The following DYRK1A variants were observed in gnomAD, a reference collection of about 807,000 sequenced individuals.
DYRK1A encodes the protein dual specificity tyrosine phosphorylation regulated kinase 1A.
In DYRK1A, 9 loss-of-function variants were observed where a neutral mutation model predicts 79.7. The ratio of observed to expected loss-of-function variants is 0.11; its 90% confidence interval spans 0.07 to 0.20. The LOEUF (loss-of-function observed/expected upper bound fraction) is 0.20, where lower values mean the gene tolerates loss of function less well. DYRK1A is among the 10% of genes least tolerant of loss of function. The pLI is 1.00. For synonymous variants in DYRK1A, 349 were observed against 329.7 expected (o/e 1.06, Z -0.63); for missense variants, 622 against 956.0 (o/e 0.65, Z 4.61).
intron 1 of DYRK1A, among the ~76,000 whole-genome samples, chr21:37,417,675 A>G (rs1391205601): frequency 6.6e-6 from 1 of 150,922 alleles, no homozygotes; most frequent in Non-Finnish European, 1.5e-5. Context: ...CGTGTGTTTA[A>G]CAGCCTGTGG....
intron 1 of DYRK1A, among the ~76,000 whole-genome samples, chr21:37,408,578 T>A (rs950853380): frequency 2.0e-5 from 3 of 152,230 alleles, no homozygotes; most frequent in Non-Finnish European, 4.4e-5. Context: ...AAATTTTTTT[T>A]AGCACATAGA....
intron 2 of DYRK1A, among the ~76,000 whole-genome samples, chr21:37,447,015 G>A (rs1217963043): frequency 6.6e-5 from 10 of 152,166 alleles, no homozygotes; most frequent in African/African-American, 2.2e-4. Flanking sequence ...TGAGAGGGAT[G>A]GGTTGGGAGG....
At chr21:37,479,594 GTTTTTGTTTTTGTTTTTGT>G (rs1391141449) in intron 4 of DYRK1A, among the ~76,000 whole-genome samples, 338 of 24,212 alleles carry the variant, frequency 0.014, 4 homozygotes, top group African/African-American at 0.075. Context: ...TTGGTGTTTT[GTTTTTGTTTTTGTTTTTGT>G]TTTTTGTTTT....
intron 2 of DYRK1A, among the ~76,000 whole-genome samples, chr21:37,422,897 C>T (rs2050514531): frequency 6.6e-6 from 1 of 152,106 alleles, no homozygotes; most frequent in South Asian, 2.1e-4. Flanking sequence ...TGTTCCTGTA[C>T]TTACTTAATT....
chr21:37,399,287 T>A (rs899538284), intron 1 of DYRK1A, among the ~76,000 whole-genome samples: 1 of 152,196 alleles, frequency 6.6e-6, no homozygotes, highest in African/African-American at 2.4e-5. Flanking sequence ...CCCATAAGAC[T>A]CTTCCTCCTT....
intron 2 of DYRK1A, among the ~76,000 whole-genome samples, chr21:37,444,968 G>GACCC (rs1300617953): frequency 1.4e-4 from 21 of 152,210 alleles, no homozygotes; most frequent in African/African-American, 4.3e-4. Context: ...ACTGGGAGGT[G>GACCC]ACATGCAATT....
At chr21:37,383,835 GTAT>G (rs2049707410) in intron 1 of DYRK1A, among the ~76,000 whole-genome samples, 1 of 130,314 alleles carries the variant, frequency 7.7e-6, no homozygotes, top group African/African-American at 3.6e-5. Flanking sequence ...AGGTAATGGT[GTAT>G]GTGTGTGTGT....
At chr21:37,413,447 A>G (rs778167796) in intron 1 of DYRK1A, among the ~76,000 whole-genome samples, 1 of 152,178 alleles carries the variant, frequency 6.6e-6, no homozygotes, top group Non-Finnish European at 1.5e-5. Context: ...ATTATAGAAC[A>G]TCCTGTGTGG....
chr21:37,481,945 G>A (rs2052657931), intron 5 of DYRK1A, among the ~76,000 whole-genome samples: 2 of 152,100 alleles, frequency 1.3e-5, no homozygotes, highest in Admixed American at 1.3e-4. Context: ...GCTGTGTTTT[G>A]TTTGAGGTGT....
intron 2 of DYRK1A, among the ~76,000 whole-genome samples, chr21:37,433,890 T>C (rs2050848293): frequency 6.6e-6 from 1 of 152,206 alleles, no homozygotes; most frequent in African/African-American, 2.4e-5. Flanking sequence ...AAATATAGTT[T>C]CTTTGTTTCT....
intron 2 of DYRK1A, among the ~76,000 whole-genome samples, chr21:37,423,045 A>G (rs531088920): frequency 3.9e-5 from 6 of 152,296 alleles, no homozygotes; most frequent in African/African-American, 4.8e-5. Context: ...ACCAGGTACT[A>G]TTATAGGTGC....
intron 2 of DYRK1A, among the ~76,000 whole-genome samples, chr21:37,469,128 C>T (rs2052134592): frequency 6.6e-6 from 1 of 152,156 alleles, no homozygotes; most frequent in Admixed American, 6.5e-5. Context: ...CACAAATACA[C>T]TTAGCATAAT....
At chr21:37,433,010 C>T (rs2050820644) in intron 2 of DYRK1A, among the ~76,000 whole-genome samples, 1 of 146,014 alleles carries the variant, frequency 6.8e-6, no homozygotes, top group African/African-American at 2.6e-5. Context: ...TAATTGTATA[C>T]TTAGAAAACT....
At chr21:37,463,173 A>ATGTG (rs539137261) in intron 2 of DYRK1A, among the ~76,000 whole-genome samples, 10 of 131,372 alleles carry the variant, frequency 7.6e-5, no homozygotes, top group South Asian at 4.9e-4. Flanking sequence ...TTGTGTGTGC[A>ATGTG]TGTGTGTGTG....
intron 2 of DYRK1A, among the ~76,000 whole-genome samples, chr21:37,471,881 T>A (rs2052237331): frequency 6.6e-6 from 1 of 152,256 alleles, no homozygotes. Flanking sequence ...CTTTAGTCTG[T>A]GATTACAAAT....
chr21:37,482,528 A>G (rs559318540), intron 5 of DYRK1A, among the ~76,000 whole-genome samples: 2 of 152,288 alleles, frequency 1.3e-5, no homozygotes, highest in African/African-American at 4.8e-5. Flanking sequence ...TCACAAGGCA[A>G]ATGGAGGCAG....
intron 2 of DYRK1A, among the ~76,000 whole-genome samples, chr21:37,459,382 A>C (rs2051763332): frequency 1.3e-5 from 2 of 152,240 alleles, no homozygotes; most frequent in Admixed American, 6.5e-5. Context: ...TTAATTAAAT[A>C]AGTGGTTAGC....
intron 1 of DYRK1A, among the ~76,000 whole-genome samples, chr21:37,395,680 T>C (rs2049948261): frequency 6.6e-6 from 1 of 152,168 alleles, no homozygotes; most frequent in African/African-American, 2.4e-5. Flanking sequence ...GTGTCCCCTC[T>C]CCCATCTTTG....
intron 1 of DYRK1A, among the ~76,000 whole-genome samples, chr21:37,417,536 T>TTTTCTTTTTCTTTTTCTTTTTTTTTC (rs1569304627): frequency 9.5e-5 from 10 of 105,098 alleles, no homozygotes; most frequent in African/African-American, 3.4e-4. Context: ...TTTCTTTTTT[T>TTTTCTTTTTCTTTTTCTTTTTTTTTC]TTTTTTTTTT....
Sources: gnomAD v4.1 joint callset for allele counts (sites outside exome capture counted in the v4.1 genomes callset) on GRCh38, gnomAD v4.1.1 for gene constraint, MANE v1.5 for transcripts, NCBI Gene and HGNC (gene_info 2026-07-23, HGNC 2026-07-21) for gene names.